SLC1A3: variants seen among roughly 807,000 people sequenced by gnomAD.
SLC1A3 encodes solute carrier family 1 member 3, also known as excitatory amino acid transporter 1.
A neutral mutation model predicts 48.1 loss-of-function variants in SLC1A3; 21 were observed. The observed-to-expected ratio is 0.44, with a 90% CI of 0.31 to 0.63. The LOEUF (loss-of-function observed/expected upper bound fraction) is 0.63. Ranked by LOEUF, SLC1A3 falls within the 20% of genes least tolerant of loss-of-function variation. The pLI is 0.08. For synonymous variants in SLC1A3, 239 were observed against 251.4 expected, an observed-to-expected ratio of 0.95 and a Z score of 0.47; for missense variants, 546 against 689.0, an observed-to-expected ratio of 0.79 and a Z score of 2.32.
At chr5:36,661,825 G>A (rs1045904642) in intron 3 of SLC1A3, among the ~76,000 whole-genome samples, 1 of 152,228 alleles carries the variant, frequency 6.6e-6, no homozygotes, top group African/African-American at 2.4e-5. Flanking sequence ...CCTTGAGTCT[G>A]ACATGCTCTG....
At chr5:36,682,040 A>G (rs1473026001) in intron 8 of SLC1A3, among the ~76,000 whole-genome samples, 1 of 152,224 alleles carries the variant, frequency 6.6e-6, no homozygotes, top group Non-Finnish European at 1.5e-5. Context: ...TCACCTGTAC[A>G]AAATTCAGCA....
At chr5:36,628,203 T>G (rs555696778) in intron 2 of SLC1A3, among the ~76,000 whole-genome samples, 5 of 152,126 alleles carry the variant, frequency 3.3e-5, no homozygotes, top group Non-Finnish European at 7.4e-5. Context: ...TAGATTAAGA[T>G]TCTTATTAGA....
chr5:36,668,220 G>C (rs1271756077), intron 3 of SLC1A3: 1 of 152,218 alleles, frequency 6.6e-6, no homozygotes, highest in Non-Finnish European at 1.5e-5. Flanking sequence ...GGTGTAAAAA[G>C]GTTCGTCTCT....
At chr5:36,623,014 CAAAAAAAAAAA>C (rs1158762437) in intron 2 of SLC1A3, among the ~76,000 whole-genome samples, 1 of 51,938 alleles carries the variant, frequency 1.9e-5, no homozygotes, top group Non-Finnish European at 4.2e-5. Context: ...TCCATCATCT[CAAAAAAAAAAA>C]AAAAAAAAAA....
At chr5:36,668,038 T>TC (rs1284762477) in intron 3 of SLC1A3, 3 of 152,222 alleles carry the variant, frequency 2.0e-5, no homozygotes, top group Admixed American at 2.0e-4. Context: ...ACTTCCCGTC[T>TC]CCCCATCACC....
chr5:36,662,516 T>C (rs1741556435), intron 3 of SLC1A3, among the ~76,000 whole-genome samples: 1 of 152,176 alleles, frequency 6.6e-6, no homozygotes, highest in Non-Finnish European at 1.5e-5. Flanking sequence ...CGCCTCTCCC[T>C]CTTGCTCTGC....
intron 3 of SLC1A3, among the ~76,000 whole-genome samples, chr5:36,641,190 G>C (rs775110584): frequency 2.6e-5 from 4 of 152,164 alleles, no homozygotes; most frequent in Non-Finnish European, 5.9e-5. Flanking sequence ...GAAATTTGGG[G>C]ACAAAATTTT....
intron 3 of SLC1A3, among the ~76,000 whole-genome samples, chr5:36,631,131 G>A (rs1375917849): frequency 6.6e-6 from 1 of 152,168 alleles, no homozygotes; most frequent in Non-Finnish European, 1.5e-5. Context: ...TGGATTAAGT[G>A]CCTGCAGTTT....
chr5:36,651,141 TAAAAAAAAAAAA>T (rs58660599), intron 3 of SLC1A3, among the ~76,000 whole-genome samples: 2 of 114,580 alleles, frequency 1.7e-5, no homozygotes, highest in African/African-American at 7.2e-5. Context: ...AAGTTTTTTT[TAAAAAAAAAAAA>T]AAAAAAAAAA....
chr5:36,604,757 T>C (rs763611197), upstream of SLC1A3, among the ~76,000 whole-genome samples: 1 of 151,870 alleles, frequency 6.6e-6, no homozygotes, highest in Non-Finnish European at 1.5e-5. Flanking sequence ...CAAAGTGTGG[T>C]TTTCCAGCCC....
At chr5:36,597,053 C>T (rs1046884050) in intron 1 of SLC1A3, among the ~76,000 whole-genome samples, 18 of 151,768 alleles carry the variant, frequency 1.2e-4, no homozygotes, top group African/African-American at 4.4e-4. Flanking sequence ...TTTTGCTTTG[C>T]TTTGTTTTTG....
chr5:36,674,238 A>T (rs540430171), intron 5 of SLC1A3, 147 bp downstream of exon 5: 1 of 712,270 alleles, frequency 1.4e-6, no homozygotes, highest in South Asian at 1.7e-5. Context: ...TTTTCTAGGA[A>T]TTTTGGGGGG....
chr5:36,596,789 T>G (rs572608506), intron 1 of SLC1A3, among the ~76,000 whole-genome samples: 1 of 152,328 alleles, frequency 6.6e-6, no homozygotes, highest in East Asian at 1.9e-4. Flanking sequence ...CTTCTTCTAG[T>G]CTTGTCTCTC....
At chr5:36,663,700 T>C (rs1741614788) in intron 3 of SLC1A3, among the ~76,000 whole-genome samples, 1 of 152,194 alleles carries the variant, frequency 6.6e-6, no homozygotes, top group African/African-American at 2.4e-5. Context: ...AATGTAATCT[T>C]ATAAGGCTAA....
At chr5:36,622,349 T>C (rs774664091) in intron 2 of SLC1A3, among the ~76,000 whole-genome samples, 29 of 152,356 alleles carry the variant, frequency 1.9e-4, no homozygotes, top group Non-Finnish European at 2.5e-4. Flanking sequence ...GGCGTAGTAA[T>C]AACTCTTAGA....
intron 3 of SLC1A3, among the ~76,000 whole-genome samples, chr5:36,658,800 A>G (rs1263755149): frequency 1.3e-5 from 2 of 152,134 alleles, no homozygotes; most frequent in Admixed American, 6.5e-5. Flanking sequence ...GCAATGTGTA[A>G]TTATCCATGG....
chr5:36,683,648 C>T (rs1742526247), intron 8 of SLC1A3, among the ~76,000 whole-genome samples: 1 of 151,304 alleles, frequency 6.6e-6, no homozygotes, highest in African/African-American at 2.4e-5. Context: ...GAAGAGGTTT[C>T]AGTGAGCCTA....
intron 3 of SLC1A3, chr5:36,670,678 C>T (rs1741953149): frequency 7.8e-6 from 3 of 383,258 alleles, no homozygotes; most frequent in South Asian, 6.8e-5. Flanking sequence ...CACACTCACA[C>T]ACGCACTACT....
chr5:36,669,033 GA>G (rs1741880456), intron 3 of SLC1A3: 1 of 152,280 alleles, frequency 6.6e-6, no homozygotes, highest in Non-Finnish European at 1.5e-5. Flanking sequence ...AGGCGAGAGG[GA>G]AAAAAGCATC....
Sources: allele counts gnomAD v4.1 joint callset (sites outside exome capture counted in the v4.1 genomes callset), GRCh38; gene constraint gnomAD v4.1.1; transcripts MANE v1.5; gene names NCBI Gene and HGNC (gene_info 2026-07-23, HGNC 2026-07-21).